The following CABCOCO1 variants were observed in gnomAD, a reference collection of about 807,000 sequenced individuals.
CABCOCO1 encodes the protein ciliary associated calcium binding coiled-coil 1, also known as ciliary-associated calcium-binding coiled-coil protein 1.
A neutral mutation model predicts 35.7 loss-of-function variants in CABCOCO1; 28 were observed. The observed-to-expected ratio is 0.78, with a 90% CI of 0.58 to 1.07. The LOEUF is 1.07. CABCOCO1 is among the 50% of genes least tolerant of loss of function. The pLI is 0.00. For synonymous variants in CABCOCO1, 95 were observed against 100.1 expected (o/e 0.95, Z 0.30); for missense variants, 326 against 309.2 (o/e 1.05, Z -0.41).
chr10:61,671,838 G>A (rs1244573247), intron 1 of CABCOCO1, among the ~76,000 whole-genome samples: 2 of 152,152 alleles, frequency 1.3e-5, no homozygotes. Flanking sequence ...AGTGCTGTCT[G>A]TATTACTAGA....
intron 5 of CABCOCO1, among the ~76,000 whole-genome samples, chr10:61,726,013 C>A (rs2132047469): frequency 6.6e-6 from 1 of 152,228 alleles, no homozygotes; most frequent in East Asian, 1.9e-4. Flanking sequence ...TGTATGTGAT[C>A]CCTGTGTGAG....
At chr10:61,698,426 G>A (rs1840351486) in intron 5 of CABCOCO1, among the ~76,000 whole-genome samples, 1 of 152,044 alleles carries the variant, frequency 6.6e-6, no homozygotes. Context: ...TTTGAAAGCG[G>A]TTCTGTAGCA....
intron 5 of CABCOCO1, among the ~76,000 whole-genome samples, chr10:61,725,709 G>A (rs1049873835): frequency 1.3e-5 from 2 of 151,922 alleles, no homozygotes; most frequent in African/African-American, 4.8e-5. Flanking sequence ...GTATACATAT[G>A]TAACAAACCT....
intron 5 of CABCOCO1, among the ~76,000 whole-genome samples, chr10:61,717,512 T>C (rs1054424223): frequency 6.6e-6 from 1 of 152,030 alleles, no homozygotes; most frequent in African/African-American, 2.4e-5. Flanking sequence ...ACAACTACAA[T>C]GAGACAAAAT....
chr10:61,677,908 A>G (rs1183708461), intron 2 of CABCOCO1, among the ~76,000 whole-genome samples: 1 of 149,182 alleles, frequency 6.7e-6, no homozygotes, highest in Admixed American at 6.8e-5. Flanking sequence ...TCTGTTTAAC[A>G]AGGACCAATT....
intron 3 of CABCOCO1, chr10:61,685,268 G>A (rs139334626): frequency 5.1e-4 from 78 of 152,318 alleles, no homozygotes; most frequent in African/African-American, 1.8e-3. Flanking sequence ...CTAAAGCCCA[G>A]TGTTGATTGA....
intron 5 of CABCOCO1, among the ~76,000 whole-genome samples, 192 bp from the exon 6 acceptor site, chr10:61,759,865 CAA>C (rs1841970123): frequency 6.6e-6 from 1 of 151,968 alleles, no homozygotes; most frequent in Non-Finnish European, 1.5e-5. Flanking sequence ...AGTGGGAAAA[CAA>C]AGTGTTAATT....
rs1379896970 is a variant in CABCOCO1 at position 61,709,636 on chromosome 10, AT to A, written c.552+19022del. Reference sequence around the variant, plus strand: ...AAAACTAAAAGGCAAAGAAGTGGAAATTTTTTTAAAGTCATTTAAATCGCTG... The same window carrying A: ...AAAACTAAAAGGCAAAGAAGTGGAAATTTTTTAAAGTCATTTAAATCGCTG... On this transcript the variant is annotated intron_variant, in intron 5 of 7. Transcript: ENST00000648843. 9.1e-5 allele frequency among the ~76,000 whole-genome samples: 11 copies of A among 121,480 alleles called. No homozygotes were observed. In the East Asian group the frequency reaches 1.4e-3, roughly 15 times the overall value. 79.7% of individuals were successfully genotyped at this position (121,480 alleles called of 152,430 possible). A position where few individuals can be genotyped will look rare whatever the true frequency, so the allele number is the denominator to read the frequency against.
At chr10:61,691,372 G>C (rs888489169) in intron 5 of CABCOCO1, among the ~76,000 whole-genome samples, 1 of 152,138 alleles carries the variant, frequency 6.6e-6, no homozygotes, top group Non-Finnish European at 1.5e-5. Context: ...GCATAGGACA[G>C]CAGTTCTACA....
intron 1 of CABCOCO1, among the ~76,000 whole-genome samples, chr10:61,663,445 T>C (rs1380835045): frequency 6.6e-6 from 1 of 152,042 alleles, no homozygotes; most frequent in Non-Finnish European, 1.5e-5. Flanking sequence ...CTTTTTGAAA[T>C]TGCTACTAAT....
At chr10:61,763,192 AAAG>A (rs1358376059) in intron 7 of CABCOCO1, among the ~76,000 whole-genome samples, 2 of 152,136 alleles carry the variant, frequency 1.3e-5, no homozygotes, top group East Asian at 3.8e-4. Context: ...TTTGCAAAAA[AAAG>A]GCAGTAAATA....
intron 5 of CABCOCO1, among the ~76,000 whole-genome samples, chr10:61,735,782 A>C (rs563188140): frequency 3.3e-5 from 5 of 152,264 alleles, no homozygotes; most frequent in Admixed American, 3.3e-4. Flanking sequence ...AGTGCTCACA[A>C]TTCTCACTCA....
At chr10:61,672,141 A>C (rs951829086) in intron 1 of CABCOCO1, among the ~76,000 whole-genome samples, 7 of 152,044 alleles carry the variant, frequency 4.6e-5, no homozygotes, top group Admixed American at 1.3e-4. Flanking sequence ...TAACCTTCCA[A>C]AGCCTATTCC....
chr10:61,663,531 T>A (rs1379321839), intron 1 of CABCOCO1, among the ~76,000 whole-genome samples: 2 of 152,202 alleles, frequency 1.3e-5, no homozygotes, highest in African/African-American at 4.8e-5. Flanking sequence ...ATGGACTGAT[T>A]AATATTAGAA....
chr10:61,740,346 C>T (rs1841522624), intron 5 of CABCOCO1, among the ~76,000 whole-genome samples: 1 of 152,160 alleles, frequency 6.6e-6, no homozygotes, highest in South Asian at 2.1e-4. Context: ...TCTGTGTGTC[C>T]TTTGTGGGCA....
At chr10:61,760,298 A>G in intron 6 of CABCOCO1, 117 bp downstream of exon 6, 1 of 1,332,206 alleles carries the variant, frequency 7.5e-7, no homozygotes, top group South Asian at 1.5e-5. Flanking sequence ...TCCCAACCAA[A>G]TACAAATATT....
intron 2 of CABCOCO1, 50 bp downstream of exon 2, chr10:61,672,785 G>T: frequency 2.1e-6 from 2 of 951,360 alleles, no homozygotes; most frequent in Non-Finnish European, 2.5e-6. Flanking sequence ...TTCGAGTTCT[G>T]CATCTGTAAA....
At position 61,760,031 on chromosome 10, in the gene CABCOCO1, CATAATTCA is replaced by C. The variant is rs779329254; in HGVS notation, c.553-26_553-19del. On this transcript the variant is annotated intron_variant, in intron 5 of 7. Transcript: ENST00000648843. ...TGTGGTTGCTCACCAAAGGCTCTGT[CATAATTCA>C]ACTTTTTTCTTCCCATCAGCAAGTG... is the stretch of plus-strand genomic sequence containing the variant. The C allele has an allele frequency of 1.2e-6, 2 of 1,611,650 alleles. No individual in the cohort carries two copies. The highest frequency in any genetic ancestry group is 1.7e-6 in the Non-Finnish European group (2 of 1,178,614).
At chr10:61,667,718 A>C (rs1839234877) in intron 1 of CABCOCO1, among the ~76,000 whole-genome samples, 1 of 151,900 alleles carries the variant, frequency 6.6e-6, no homozygotes, top group Non-Finnish European at 1.5e-5. Flanking sequence ...TATTTATGTT[A>C]TATAGAACCA....
Sources: gnomAD v4.1 joint callset for allele counts (sites outside exome capture counted in the v4.1 genomes callset) on GRCh38, gnomAD v4.1.1 for gene constraint, MANE v1.5 for transcripts, NCBI Gene and HGNC (gene_info 2026-07-23, HGNC 2026-07-21) for gene names.